Variants in RABGEF1 observed in about 807,000 individuals in gnomAD.
RABGEF1 encodes RAB guanine nucleotide exchange factor 1.
RABGEF1 carries 26 observed loss-of-function variants against 57.3 expected under a neutral mutation model. The ratio of observed to expected loss-of-function variants is 0.45; its 90% CI spans 0.33 to 0.63. The LOEUF is 0.63. Ranked by LOEUF, RABGEF1 falls within the 20% of genes least tolerant of loss-of-function variation. The probability of loss-of-function intolerance (pLI) is 0.02; values close to 1 mark genes in which losing one functional copy is unlikely to be tolerated. For synonymous variants in RABGEF1, 185 were observed against 210.7 expected, an observed-to-expected ratio of 0.88 and a Z score of 1.06; for missense variants, 464 against 607.6, an observed-to-expected ratio of 0.76 and a Z score of 2.48.
At chr7:66,743,960 C>A (rs1477580587) in intron 1 of RABGEF1, among the ~76,000 whole-genome samples, 3 of 152,112 alleles carry the variant, frequency 2.0e-5, no homozygotes, top group African/African-American at 7.2e-5. Flanking sequence ...AACTCTTACA[C>A]ACAGGCTGCT....
intron 2 of RABGEF1, among the ~76,000 whole-genome samples, chr7:66,735,388 T>C (rs1428846166): frequency 6.6e-6 from 1 of 152,228 alleles, no homozygotes; most frequent in Non-Finnish European, 1.5e-5. Context: ...ATTATGGGCT[T>C]TGAAGTCAAA....
the RABGEF1 span, among the ~76,000 whole-genome samples, chr7:66,663,748 TAAATA>T: frequency 6.6e-6 from 1 of 151,324 alleles, no homozygotes; most frequent in Non-Finnish European, 1.5e-5. Flanking sequence ...TAATAATAAA[TAAATA>T]AAAATAAAAA....
rs5884601 is a variant in RABGEF1, at chr7:66,741,978, TA to T, written c.-18+1198del. Among the ~76,000 whole-genome samples, 220 of 144,450 alleles carry T rather than the reference TA, an allele frequency of 1.5e-3. No homozygotes were observed. In the Middle Eastern group the frequency reaches 0.028, roughly 18 times the overall value. The allele number at this position is 144,450 out of a possible 152,430, so 94.8% of individuals were successfully genotyped here. On this transcript the variant is annotated intron_variant, in intron 1 of 8. Coordinates refer to ENST00000284957, the MANE Select transcript of RABGEF1 (RefSeq NM_014504.3). ...GGTGAAACCCCGTCTCTACTACAAA[TA>T]AAAAAAAAAAAGAAAAAGAAAATTT...
At chr7:66,748,373 A>C (rs1484881833) in intron 1 of RABGEF1, among the ~76,000 whole-genome samples, 1 of 152,126 alleles carries the variant, frequency 6.6e-6, no homozygotes, top group East Asian at 1.9e-4. Flanking sequence ...ATACTTTCTC[A>C]GTGGATCTTT....
At chr7:66,774,055 A>G (rs1357205508) in intron 2 of RABGEF1, 2 of 280,868 alleles carry the variant, frequency 7.1e-6, no homozygotes, top group African/African-American at 4.6e-5. Flanking sequence ...CATTCTGAAC[A>G]TTTTCCTCCT....
chr7:66,708,616 C>T (rs1217790641), intron 1 of RABGEF1, among the ~76,000 whole-genome samples: 1 of 152,056 alleles, frequency 6.6e-6, no homozygotes, highest in African/African-American at 2.4e-5. Context: ...CCAGCTTGGG[C>T]AACATAGGGA....
At chr7:66,731,759 C>G (rs890792210) in intron 2 of RABGEF1, among the ~76,000 whole-genome samples, 1 of 152,158 alleles carries the variant, frequency 6.6e-6, no homozygotes, top group African/African-American at 2.4e-5. Context: ...GGAGAGCCAC[C>G]CTCCTGTGCC....
At chr7:66,715,431 C>T (rs1024064701) in intron 2 of RABGEF1, among the ~76,000 whole-genome samples, 7 of 152,194 alleles carry the variant, frequency 4.6e-5, no homozygotes, top group African/African-American at 1.7e-4. Context: ...GTGCCCGCCT[C>T]TTCTTTTCTA....
rs546452600 is a variant in RABGEF1 at position 66,688,133 on chromosome 7, C to CATAT, written c.-873+5876_-873+5879dup. ...GTAACCAAATGACATCAGGAGTGGCCATATGTTAGGCAAAATAGGTTTTAA... is the reference window on the plus strand; with the variant it reads ...GTAACCAAATGACATCAGGAGTGGCCATATATATGTTAGGCAAAATAGGTTTTAA... On this transcript the variant is annotated intron_variant and NMD_transcript_variant, in intron 1 of 9. Coordinates refer to the RABGEF1 transcript ENST00000607882. Among the ~76,000 whole-genome samples, 9 of 149,890 alleles carry CATAT rather than the reference C, an allele frequency of 6.0e-5. No homozygotes were observed. The East Asian group carries it at 1.8e-3, about 29-fold the overall frequency.
At chr7:66,752,505 A>AAG (rs1159157027) in intron 1 of RABGEF1, among the ~76,000 whole-genome samples, 2 of 152,296 alleles carry the variant, frequency 1.3e-5, no homozygotes, top group East Asian at 3.9e-4. Context: ...AAAAAAAAAA[A>AAG]AAAGTCTTGA....
chr7:66,722,877 T>C (rs1226953394), intron 2 of RABGEF1, among the ~76,000 whole-genome samples: 1 of 152,226 alleles, frequency 6.6e-6, no homozygotes, highest in Non-Finnish European at 1.5e-5. Flanking sequence ...ATTTTAGGGA[T>C]TATTGGCATT....
chr7:66,692,528 T>C (rs1584688113), intron 1 of RABGEF1, among the ~76,000 whole-genome samples: 1 of 152,178 alleles, frequency 6.6e-6, no homozygotes, highest in East Asian at 1.9e-4. Context: ...GGGACTGTGT[T>C]CCTGCCGTCA....
At chr7:66,761,447 C>A (rs1373322079) in intron 1 of RABGEF1, among the ~76,000 whole-genome samples, 1 of 152,164 alleles carries the variant, frequency 6.6e-6, no homozygotes, top group Non-Finnish European at 1.5e-5. Context: ...ACAGATATTG[C>A]AAAGGATCCA....
chr7:66,692,100 T>G (rs2117136260), intron 1 of RABGEF1, among the ~76,000 whole-genome samples: 1 of 152,128 alleles, frequency 6.6e-6, no homozygotes, highest in Non-Finnish European at 1.5e-5. Flanking sequence ...TAAATAAAAG[T>G]GTATAAATTT....
chr7:66,752,784 T>C (rs1034114665), intron 1 of RABGEF1, among the ~76,000 whole-genome samples: 2 of 152,234 alleles, frequency 1.3e-5, no homozygotes, highest in Non-Finnish European at 2.9e-5. Context: ...GTGATATTGA[T>C]GTACATTCAA....
At chr7:66,768,503 G>A (rs1806298148) in intron 1 of RABGEF1, among the ~76,000 whole-genome samples, 1 of 152,104 alleles carries the variant, frequency 6.6e-6, no homozygotes, top group Non-Finnish European at 1.5e-5. Context: ...TTGTCTTTTT[G>A]TTTTCTAAAC....
At chr7:66,801,697 G>A (rs752999891) in intron 7 of RABGEF1, among the ~76,000 whole-genome samples, 1 of 152,126 alleles carries the variant, frequency 6.6e-6, no homozygotes, top group Non-Finnish European at 1.5e-5. Context: ...CATCCATGTT[G>A]TTGCAAATGA....
At chr7:66,755,837 C>T (rs763203877) in intron 1 of RABGEF1, 5 of 432,938 alleles carry the variant, frequency 1.2e-5, no homozygotes, top group Non-Finnish European at 2.1e-5. Context: ...CTGCTCATTC[C>T]AGCAGCAATC....
At chr7:66,667,363 C>T in the RABGEF1 span, 2 of 152,312 alleles carry the variant, frequency 1.3e-5, no homozygotes, top group Non-Finnish European at 2.9e-5. Context: ...CATTTTGTTC[C>T]CGCTGATCCC....
Sources: allele counts gnomAD v4.1 joint callset (sites outside exome capture counted in the v4.1 genomes callset), GRCh38; gene constraint gnomAD v4.1.1; transcripts MANE v1.5; gene names NCBI Gene and HGNC (gene_info 2026-07-23, HGNC 2026-07-21).